The following KCNIP2 variants were observed in gnomAD, a reference collection of about 807,000 sequenced individuals.
The protein encoded by KCNIP2 is A-type potassium channel modulatory protein KCNIP2.
A neutral mutation model predicts 39.0 loss-of-function variants in KCNIP2; 19 were observed. That is an observed-to-expected ratio of 0.49 (90% CI 0.34 to 0.71). The LOEUF (loss-of-function observed/expected upper bound fraction) is 0.71, where lower values mean the gene tolerates loss of function less well. KCNIP2 is among the 30% of genes least tolerant of loss of function. KCNIP2 has a pLI of 0.01. For missense variants in KCNIP2, 261 were observed against 346.0 expected, an observed-to-expected ratio of 0.75 and a Z score of 1.95; for synonymous variants, 111 against 131.2, an observed-to-expected ratio of 0.85 and a Z score of 1.05.
chr10:101,840,372 G>A (rs1282211203), intron 1 of KCNIP2, among the ~76,000 whole-genome samples: 1 of 151,944 alleles, frequency 6.6e-6, no homozygotes, highest in African/African-American at 2.4e-5. Context: ...AAAGAGGCCA[G>A]TGTATTGGGG....
In KCNIP2 at chr10:101,828,927, A is replaced by G; in HGVS notation, c.348+148T>C. On this transcript the variant is annotated intron_variant, in intron 4 of 9. Transcript: ENST00000356640. This position sits in a 1 kb window ranked among gnomAD's most constrained non-coding sequence, Gnocchi z 6.6. ...GCCACTTCCGTTCTGGCCCCGCCCC[A>G]GAACCTCCAGCTAGAAGTTCAGTCT... The G allele has an allele frequency of 6.7e-7, 1 of 1,503,664 alleles. No individual in the cohort carries two copies. The highest frequency in any genetic ancestry group is 8.9e-7 in the Non-Finnish European group (1 of 1,120,110). The allele number at this position is 1,503,664 out of a possible 1,614,324, so 93.1% of individuals were successfully genotyped here.
intron 1 of KCNIP2, among the ~76,000 whole-genome samples, chr10:101,831,380 C>T (rs939636533): frequency 3.3e-5 from 5 of 152,112 alleles, no homozygotes; most frequent in South Asian, 4.1e-4. Flanking sequence ...TTTAATGGGA[C>T]GTGGCCGGTG....
chr10:101,830,194 A>G (rs997965131), intron 2 of KCNIP2, among the ~76,000 whole-genome samples: 5 of 152,216 alleles, frequency 3.3e-5, no homozygotes, highest in Admixed American at 3.3e-4. Context: ...TGAGGTGGGC[A>G]AGGCCCAACT....
At position 101,843,489 on chromosome 10, in the gene KCNIP2, G is replaced by C; in HGVS notation, c.73+7C>G. ...TCCCTCCCGCGACCCCCACGTCACT[G>C]ACTCACCCGTGAGCTGGTCGTAGGA... is the stretch of plus-strand genomic sequence containing the variant. On this transcript the variant is annotated splice_region_variant and intron_variant, in intron 1 of 9. Transcript: ENST00000356640. This position sits in a 1 kb window ranked among gnomAD's most constrained non-coding sequence, Gnocchi z 6.7. 2 of 1,553,764 alleles carry C rather than the reference G, an allele frequency of 1.3e-6. No homozygotes were observed. The highest frequency in any genetic ancestry group is 1.4e-5 in the African/African-American group (1 of 71,448).
chr10:101,827,515 G>A, intron 9 of KCNIP2, 115 bp from the exon 10 acceptor site: 3 of 1,338,974 alleles, frequency 2.2e-6, no homozygotes, highest in African/African-American at 1.4e-5. Context: ...CACAGAGGAA[G>A]GAGATGCCCA....
chr10:101,830,102 A>G (rs909505855), intron 2 of KCNIP2, among the ~76,000 whole-genome samples: 7 of 152,074 alleles, frequency 4.6e-5, no homozygotes, highest in African/African-American at 1.7e-4. Flanking sequence ...CCCGTGTGGG[A>G]CCCATCTAAG....
Position 101,828,977 on chromosome 10 carries a change from A to C in KCNIP2, c.348+98T>G. The C allele has an allele frequency of 6.5e-7, 1 of 1,548,306 alleles. No individual in the cohort carries two copies. The highest frequency in any genetic ancestry group is 8.7e-7 in the Non-Finnish European group (1 of 1,144,812). ...TCAGGGCCTTGCCTCCCTTCCGCCCACACCTCAAGCATCCAAGCCATGCTT... is the reference window on the plus strand; with the variant it reads ...TCAGGGCCTTGCCTCCCTTCCGCCCCCACCTCAAGCATCCAAGCCATGCTT... On this transcript the variant is annotated intron_variant, in intron 4 of 9. Coordinates refer to ENST00000356640, the MANE Select transcript of KCNIP2 (RefSeq NM_173191.3). The surrounding 1 kb of genome is among the most constrained non-coding windows in gnomAD (Gnocchi z 6.6).
At chr10:101,840,867 A>G (rs1589882113) in intron 1 of KCNIP2, among the ~76,000 whole-genome samples, 2 of 152,148 alleles carry the variant, frequency 1.3e-5, no homozygotes, top group African/African-American at 4.8e-5. Flanking sequence ...CCCGGCAACA[A>G]TACTCAGGGC....
intron 2 of KCNIP2, among the ~76,000 whole-genome samples, 200 bp downstream of exon 2, chr10:101,830,845 ACACGCCGGCCTGGGGCACGCTCGCGCG>A: frequency 1.5e-5 from 2 of 132,724 alleles, no homozygotes; most frequent in East Asian, 4.7e-4. Context: ...CCCCACACAC[ACACGCCGGCCTGGGGCACGCTCGCGCG>A]CACATGCACA....
At chr10:101,840,063 G>GT (rs934634816) in intron 1 of KCNIP2, among the ~76,000 whole-genome samples, 13 of 151,820 alleles carry the variant, frequency 8.6e-5, no homozygotes, top group South Asian at 4.2e-4. Context: ...TGGACGGGGG[G>GT]GGGGGGTGGC....
At chr10:101,830,588 A>G (rs2065939817) in intron 2 of KCNIP2, 3 of 571,786 alleles carry the variant, frequency 5.2e-6, no homozygotes, top group African/African-American at 4.0e-5. Flanking sequence ...GACCACGCCC[A>G]CACACGCTGG....
chr10:101,829,757 A>ACC, intron 3 of KCNIP2, 87 bp downstream of exon 3: 1 of 18,336 alleles, frequency 5.5e-5, no homozygotes. Flanking sequence ...CCCCGCCCCC[A>ACC]ACGTCCAGCC....
chr10:101,827,858 A>G, intron 8 of KCNIP2, 31 bp downstream of exon 8: 3 of 1,576,246 alleles, frequency 1.9e-6, no homozygotes, highest in Non-Finnish European at 2.6e-6. Flanking sequence ...CCTTCACTCC[A>G]GGGCCCTCCA....
chr10:101,839,902 G>A (rs2066273919), intron 1 of KCNIP2: 2 of 1,496,700 alleles, frequency 1.3e-6, no homozygotes, highest in Admixed American at 2.2e-5. Context: ...TCCGGTCTCC[G>A]CCCTCACCCG....
intron 1 of KCNIP2, among the ~76,000 whole-genome samples, chr10:101,831,734 GA>G (rs1234346839): frequency 6.6e-6 from 1 of 152,066 alleles, no homozygotes; most frequent in Non-Finnish European, 1.5e-5. Flanking sequence ...TACACATGGA[GA>G]CCCATATAGG....
intron 1 of KCNIP2, among the ~76,000 whole-genome samples, chr10:101,835,426 TG>T (rs931502077): frequency 1.3e-5 from 2 of 152,086 alleles, no homozygotes; most frequent in Admixed American, 6.6e-5. Flanking sequence ...CAGCTGCCTT[TG>T]GGGTCAAGAA....
At chr10:101,832,452 A>G (rs2066028104) in intron 1 of KCNIP2, among the ~76,000 whole-genome samples, 1 of 151,926 alleles carries the variant, frequency 6.6e-6, no homozygotes, top group Admixed American at 6.6e-5. Flanking sequence ...AACTTCCTTT[A>G]GTTAAAGGTT....
intron 1 of KCNIP2, among the ~76,000 whole-genome samples, chr10:101,834,778 G>C (rs1014721909): frequency 6.6e-6 from 1 of 152,232 alleles, no homozygotes; most frequent in Non-Finnish European, 1.5e-5. Flanking sequence ...GGGTGTATGT[G>C]CATGAGAAAC....
At chr10:101,840,059 G>C (rs987697834) in intron 1 of KCNIP2, among the ~76,000 whole-genome samples, 2 of 47,866 alleles carry the variant, frequency 4.2e-5, no homozygotes, top group African/African-American at 6.1e-5. Flanking sequence ...TTCCTGGACG[G>C]GGGGGGGGGG....
Sources: gnomAD v4.1 joint callset for allele counts (sites outside exome capture counted in the v4.1 genomes callset) on GRCh38, gnomAD v4.1.1 for gene constraint, Gnocchi (gnomAD v3.1) non-coding constraint, MANE v1.5 for transcripts, NCBI Gene and HGNC (gene_info 2026-07-23, HGNC 2026-07-21) for gene names.